MAPKAP1: variants seen among roughly 807,000 people sequenced by gnomAD.
MAPKAP1 encodes MAPK associated protein 1.
In MAPKAP1, 20 loss-of-function variants were observed where a neutral mutation model predicts 65.7. The observed-to-expected ratio is 0.30, with a 90% CI of 0.21 to 0.44. The LOEUF (loss-of-function observed/expected upper bound fraction) is 0.44, where lower values mean the gene tolerates loss of function less well. MAPKAP1 is among the 20% of genes least tolerant of loss of function. The pLI, the probability that MAPKAP1 is intolerant of heterozygous loss-of-function variation, is 1.00. For synonymous variants in MAPKAP1, 222 were observed against 244.3 expected (o/e 0.91, Z 0.85); for missense variants, 423 against 648.0 (o/e 0.65, Z 3.77).
chr9:125,635,293 T>C (rs1833391984), intron 4 of MAPKAP1, among the ~76,000 whole-genome samples: 1 of 152,180 alleles, frequency 6.6e-6, no homozygotes. Flanking sequence ...AAGCCCCTTT[T>C]CAGAAGATTA....
chr9:125,597,061 G>C (rs1832151310), intron 4 of MAPKAP1, among the ~76,000 whole-genome samples: 1 of 151,100 alleles, frequency 6.6e-6, no homozygotes, highest in Non-Finnish European at 1.5e-5. Flanking sequence ...AGGAGATCGA[G>C]ACCATCCTGG....
At chr9:125,458,134 T>A (rs908591603) in intron 10 of MAPKAP1, among the ~76,000 whole-genome samples, 2 of 152,246 alleles carry the variant, frequency 1.3e-5, no homozygotes, top group East Asian at 1.9e-4. Flanking sequence ...GTGGTTTTTA[T>A]ATTTTGTTCA....
At chr9:125,690,713 G>A (rs907973748) in intron 1 of MAPKAP1, among the ~76,000 whole-genome samples, 1 of 152,130 alleles carries the variant, frequency 6.6e-6, no homozygotes, top group South Asian at 2.1e-4. Context: ...GTTCAAAGAG[G>A]GGGTAAAAGG....
At chr9:125,481,087 G>A (rs1261038588) in intron 9 of MAPKAP1, among the ~76,000 whole-genome samples, 2 of 150,570 alleles carry the variant, frequency 1.3e-5, no homozygotes, top group Non-Finnish European at 3.0e-5. Flanking sequence ...TGAAAACTAA[G>A]ATTGAAAAGG....
Position 125,672,363 on chromosome 9 carries a change from T to C in MAPKAP1, c.212A>G (p.Asp71Gly). 1.2e-6 allele frequency: 2 copies of C among 1,614,236 alleles called. No individual in the cohort carries two copies. Among genetic ancestry groups the C allele is most frequent in the South Asian group, 1.1e-5 (1 of 91,086 alleles). The change falls in exon 2 of 12, where the codon GAT (aspartate) becomes GGT (glycine). Residue 71 changes from aspartate (D) to glycine (G), a missense_variant. Transcript: ENST00000265960. ...TQGYVYAQSVDITSSWDFGIR... is the reference protein window; with the variant it reads ...TQGYVYAQSVGITSSWDFGIR... ...ACCAAAGTCCCAACTTGAGGTAATA[T>C]CGACTGACTGGGCATATACATAGCC...
intron 5 of MAPKAP1, among the ~76,000 whole-genome samples, chr9:125,577,066 G>C (rs1831431332): frequency 6.6e-6 from 1 of 150,804 alleles, no homozygotes; most frequent in Non-Finnish European, 1.5e-5. Context: ...TCCCATCTAG[G>C]AAGTGAGGAG....
At chr9:125,661,527 C>T (rs907155629) in intron 3 of MAPKAP1, among the ~76,000 whole-genome samples, 7 of 151,804 alleles carry the variant, frequency 4.6e-5, no homozygotes, top group South Asian at 2.1e-4. Context: ...GAAAAATCCT[C>T]GGAATATATT....
At chr9:125,498,923 G>A (rs572090235) in intron 8 of MAPKAP1, among the ~76,000 whole-genome samples, 5 of 152,020 alleles carry the variant, frequency 3.3e-5, no homozygotes, top group South Asian at 2.1e-4. Flanking sequence ...CGACACCTGT[G>A]CCCCATCTGC....
intron 4 of MAPKAP1, among the ~76,000 whole-genome samples, chr9:125,634,164 A>G (rs1833361967): frequency 6.6e-6 from 1 of 152,144 alleles, no homozygotes; most frequent in African/African-American, 2.4e-5. Flanking sequence ...GGGCTCCTTC[A>G]TTTTTAATTC....
At chr9:125,686,448 T>C (rs1018097621) in intron 1 of MAPKAP1, among the ~76,000 whole-genome samples, 3 of 152,140 alleles carry the variant, frequency 2.0e-5, no homozygotes, top group Non-Finnish European at 4.4e-5. Context: ...CTTGGACAAG[T>C]GACTTCTTTA....
chr9:125,534,681 C>T (rs1446017257), intron 7 of MAPKAP1, among the ~76,000 whole-genome samples: 1 of 152,192 alleles, frequency 6.6e-6, no homozygotes, highest in Non-Finnish European at 1.5e-5. Flanking sequence ...TATTGCCCTT[C>T]TTTCAATAGA....
At chr9:125,477,033 G>C (rs1199262890) in intron 9 of MAPKAP1, among the ~76,000 whole-genome samples, 1 of 152,156 alleles carries the variant, frequency 6.6e-6, no homozygotes, top group Non-Finnish European at 1.5e-5. Flanking sequence ...TTTTCATAAA[G>C]AACTACCATA....
At position 125,657,925 on chromosome 9, in the gene MAPKAP1, T is replaced by G. The variant is rs1834077390; in HGVS notation, c.350-126A>C. On this transcript the variant is annotated intron_variant, in intron 3 of 11. Transcript: ENST00000265960. ...CAGAGACATGTTCAGGTCGGATACA[T>G]GCAGAAAGCCCCACAATATACCGTG... 25 of 853,156 alleles carry G rather than the reference T, an allele frequency of 2.9e-5. 1 individual carries two copies. Among genetic ancestry groups the G allele is most frequent in the South Asian group, 1.0e-4 (6 of 59,468 alleles). 52.8% of individuals were successfully genotyped at this position (853,156 alleles called of 1,614,324 possible).
At chr9:125,481,109 T>G (rs1389879386) in intron 9 of MAPKAP1, among the ~76,000 whole-genome samples, 4 of 152,236 alleles carry the variant, frequency 2.6e-5, no homozygotes, top group Non-Finnish European at 4.4e-5. Context: ...AAAAGACTTG[T>G]CCAGGTGACA....
At chr9:125,557,065 G>T (rs983413461) in intron 6 of MAPKAP1, among the ~76,000 whole-genome samples, 2 of 152,100 alleles carry the variant, frequency 1.3e-5, no homozygotes, top group African/African-American at 4.8e-5. Flanking sequence ...TCTGGGAGTG[G>T]GAACACAGGG....
chr9:125,597,264 C>CAAAAAAAAAA (rs35917056), intron 4 of MAPKAP1, among the ~76,000 whole-genome samples: 4 of 52,676 alleles, frequency 7.6e-5, no homozygotes, highest in Admixed American at 3.4e-4. Context: ...GACTCCGTCT[C>CAAAAAAAAAA]AAAAAAAAAA....
chr9:125,548,066 T>A (rs1830480109), intron 6 of MAPKAP1, among the ~76,000 whole-genome samples: 2 of 152,218 alleles, frequency 1.3e-5, no homozygotes, highest in Admixed American at 6.5e-5. Flanking sequence ...TTAAGCTTTT[T>A]AAAAAATATC....
intron 10 of MAPKAP1, among the ~76,000 whole-genome samples, chr9:125,465,083 A>G (rs554389784): frequency 7.9e-5 from 12 of 152,372 alleles, no homozygotes; most frequent in African/African-American, 2.6e-4. Flanking sequence ...CAACTAAATT[A>G]TTCCAGTTGG....
chr9:125,664,504 C>A (rs530324041), intron 3 of MAPKAP1, among the ~76,000 whole-genome samples: 2 of 150,852 alleles, frequency 1.3e-5, no homozygotes, highest in East Asian at 4.0e-4. Context: ...GCGAGAAGAT[C>A]ACTTGAGGTC....
Sources: allele counts gnomAD v4.1 joint callset (sites outside exome capture counted in the v4.1 genomes callset), GRCh38; gene constraint gnomAD v4.1.1; transcripts MANE v1.5; gene names NCBI Gene and HGNC (gene_info 2026-07-23, HGNC 2026-07-21).